The following MYO16 variants were observed in gnomAD, a reference collection of about 807,000 sequenced individuals.
MYO16 encodes the protein unconventional myosin-XVI.
In MYO16, 94 loss-of-function variants were observed where a neutral mutation model predicts 205.3. That is an observed-to-expected ratio of 0.46 (90% CI 0.39 to 0.54). MYO16 has a LOEUF of 0.54. Ranked by LOEUF, MYO16 falls within the 20% of genes least tolerant of loss-of-function variation. The probability of loss-of-function intolerance (pLI) is 0.00; values close to 1 mark genes in which losing one functional copy is unlikely to be tolerated. For synonymous variants in MYO16, 988 were observed against 954.0 expected, an observed-to-expected ratio of 1.04 and a Z score of -0.66; for missense variants, 2,315 against 2,387.5, an observed-to-expected ratio of 0.97 and a Z score of 0.63.
intron 31 of MYO16, among the ~76,000 whole-genome samples, chr13:109,133,403 TTTG>T (rs1198512673): frequency 6.6e-6 from 1 of 152,236 alleles, no homozygotes; most frequent in Non-Finnish European, 1.5e-5. Context: ...ATGCAGGTAT[TTTG>T]TTCTTGTGAG....
At chr13:108,615,592 C>A (rs1318834370) in intron 1 of MYO16, among the ~76,000 whole-genome samples, 1 of 152,050 alleles carries the variant, frequency 6.6e-6, no homozygotes, top group Non-Finnish European at 1.5e-5. Flanking sequence ...ATGTGGTATA[C>A]CCATTGCAAT....
intron 6 of MYO16, among the ~76,000 whole-genome samples, chr13:108,804,463 AAGT>A (rs1887055736): frequency 6.6e-6 from 1 of 152,158 alleles, no homozygotes. Context: ...TAGTCAGGAC[AAGT>A]AGTAGGAGTA....
rs1051917345 is a variant in MYO16, at chr13:108,931,244, G to A, written c.1925+21094G>A. Among the ~76,000 whole-genome samples the A allele has an allele frequency of 5.9e-5, 9 of 152,120 alleles. No homozygotes were observed. In the East Asian group the frequency reaches 7.7e-4, roughly 13 times the overall value. ...TCCTGTCTGCCTAACAATTCTTTGT[G>A]TCTATCTCTGTCTATTCTCATTCAA... On this transcript the variant is annotated intron_variant, in intron 16 of 34. Transcript: ENST00000457511.
the MYO16 span, among the ~76,000 whole-genome samples, chr13:108,525,490 C>T: frequency 3.9e-5 from 6 of 152,062 alleles, no homozygotes; most frequent in Non-Finnish European, 8.8e-5. Context: ...GTGGGGATGA[C>T]CCTGTGCATC....
At chr13:109,113,626 T>G (rs1875520183) in intron 28 of MYO16, among the ~76,000 whole-genome samples, 2 of 152,192 alleles carry the variant, frequency 1.3e-5, no homozygotes, top group African/African-American at 4.8e-5. Flanking sequence ...TCAATAGAAC[T>G]TATGACTAAA....
rs1041369928 is a variant in MYO16 at position 109,197,474 on chromosome 13, A to G, written c.5416-9135A>G. 1.3e-5 allele frequency among the ~76,000 whole-genome samples: 2 copies of G among 152,102 alleles called. 1 individual carries two copies. Among genetic ancestry groups the G allele is most frequent in the Admixed American group, 1.3e-4 (2 of 15,270 alleles). On this transcript the variant is annotated intron_variant, in intron 34 of 34. Coordinates refer to ENST00000457511, the MANE Select transcript of MYO16 (RefSeq NM_001198950.3). ...TTCTCCCTTCTCTCAAACGTGGGCC[A>G]TGCATTCATACGCTTACTCCCTTTA...
At chr13:108,565,146 C>T in the MYO16 span, among the ~76,000 whole-genome samples, 1 of 152,104 alleles carries the variant, frequency 6.6e-6, no homozygotes, top group Non-Finnish European at 1.5e-5. Context: ...TATTTTGTAA[C>T]TCCATATAAG....
Position 109,127,532 on chromosome 13 carries a change from A to G in MYO16, c.4033A>G (p.Arg1345Gly). 6.2e-7 allele frequency: 1 copy of G among 1,611,356 alleles called. No homozygotes were observed. The highest frequency in any genetic ancestry group is 8.5e-7 in the Non-Finnish European group (1 of 1,179,824). Residue 1345 changes from arginine to glycine, a missense_variant, in exon 31 of 35, where the codon AGG becomes GGG. By Grantham distance (125) the Arg-to-Gly change is moderately radical (BLOSUM62 -2). This residue lies in a region of MYO16 where 1,097 missense variants were observed against 1,092.0 expected (regional missense o/e 1.00). Transcript: ENST00000457511. The surrounding 1 kb of genome is among the most constrained non-coding windows in gnomAD (Gnocchi z 4.2). ...EAVSACLSAAREAANEALARP... is the reference protein window; with the variant it reads ...EAVSACLSAAGEAANEALARP... The stretch of plus-strand genomic sequence containing the variant: ...TGTGAGCGCCTGCCTCTCCGCGGCC[A>G]GGGAAGCGGCCAACGAAGGTCAGCC...
intron 32 of MYO16, among the ~76,000 whole-genome samples, chr13:109,150,002 G>C (rs988705998): frequency 6.6e-6 from 1 of 152,128 alleles, no homozygotes; most frequent in Non-Finnish European, 1.5e-5. Flanking sequence ...GACTTGCTGG[G>C]GATGTGGACT....
intron 4 of MYO16, among the ~76,000 whole-genome samples, chr13:108,767,945 G>T (rs931937768): frequency 2.2e-4 from 33 of 152,116 alleles, no homozygotes; most frequent in Admixed American, 2.0e-3. Context: ...ATACTGTATT[G>T]CCAAGTAATG....
At chr13:109,107,082 G>T (rs141955509) in intron 28 of MYO16, among the ~76,000 whole-genome samples, 3 of 152,106 alleles carry the variant, frequency 2.0e-5, no homozygotes, top group African/African-American at 7.2e-5. Context: ...CCCAAGTACC[G>T]GCATGATACG....
chr13:108,838,656 A>T (rs1366216569), intron 9 of MYO16, among the ~76,000 whole-genome samples: 1 of 98,764 alleles, frequency 1.0e-5, no homozygotes, highest in Non-Finnish European at 2.1e-5. Flanking sequence ...TGACAGAGTG[A>T]GACTGTCTCA....
intron 28 of MYO16, among the ~76,000 whole-genome samples, chr13:109,117,690 A>G (rs1875793819): frequency 6.6e-6 from 1 of 152,062 alleles, no homozygotes; most frequent in African/African-American, 2.4e-5. Flanking sequence ...GTTTGATTTC[A>G]GTTGTAAAGG....
At chr13:109,050,652 A>G (rs1197125319) in intron 24 of MYO16, among the ~76,000 whole-genome samples, 1 of 152,014 alleles carries the variant, frequency 6.6e-6, no homozygotes, top group East Asian at 1.9e-4. Flanking sequence ...TGATTTTCTT[A>G]CCCCATCTTT....
chr13:108,720,539 T>A (rs1381504865), intron 3 of MYO16, among the ~76,000 whole-genome samples: 1 of 152,200 alleles, frequency 6.6e-6, no homozygotes, highest in Non-Finnish European at 1.5e-5. Flanking sequence ...TCACGTCACT[T>A]CTTCTTCCCC....
intron 5 of MYO16, among the ~76,000 whole-genome samples, chr13:108,789,615 T>A (rs1886557535): frequency 6.6e-6 from 1 of 152,134 alleles, no homozygotes; most frequent in Non-Finnish European, 1.5e-5. Context: ...GGGTAGAGGG[T>A]AGCTGCACCC....
the MYO16 span, among the ~76,000 whole-genome samples, chr13:108,577,250 G>A: frequency 2.0e-5 from 3 of 152,190 alleles, no homozygotes; most frequent in African/African-American, 7.2e-5. Context: ...CTTGGAGTGT[G>A]CCTTCAGGAG....
Position 109,076,267 on chromosome 13 carries a change from T to C in MYO16, c.3335+20672T>C, listed in dbSNP as rs528227407. On this transcript the variant is annotated intron_variant, in intron 27 of 34. Transcript: ENST00000457511. ...TCGATTTCATTAATTTCAGCTCTTA[T>C]CTTATTTCCTTCCTTCTTCTTCTTC... Among the ~76,000 whole-genome samples, 21 of 152,352 alleles carry C rather than the reference T, an allele frequency of 1.4e-4. No individual in the cohort carries two copies. In the South Asian group the frequency reaches 2.9e-3, roughly 21 times the overall value.
rs534124944 is a variant in MYO16, at chr13:108,972,042, A to C, written c.2369+7140A>C. ...AAACCCCATCTCTACCCCACCCCCC[A>C]AAAAAATACAAAAAAGTTAGCCAGG... On this transcript the variant is annotated intron_variant, in intron 20 of 34. Transcript: ENST00000457511. Among the ~76,000 whole-genome samples the C allele has an allele frequency of 1.1e-3, 171 of 149,682 alleles. 1 individual carries two copies. Among genetic ancestry groups the C allele is most frequent in the African/African-American group, 3.2e-3 (129 of 40,630 alleles).
Sources: allele counts gnomAD v4.1 joint callset (sites outside exome capture counted in the v4.1 genomes callset), GRCh38; gene constraint gnomAD v4.1.1; regional missense constraint gnomAD v4.1.1; non-coding constraint Gnocchi (gnomAD v3.1); transcripts MANE v1.5; gene names NCBI Gene and HGNC (gene_info 2026-07-23, HGNC 2026-07-21).